Variants in CHST11 observed in about 807,000 individuals in gnomAD.
CHST11 encodes C4S-1.
CHST11 carries 9 observed loss-of-function variants against 30.4 expected under a neutral mutation model. That is an observed-to-expected ratio of 0.30 (90% CI 0.18 to 0.52). The LOEUF (loss-of-function observed/expected upper bound fraction) is 0.52. Among genes scored for constraint, CHST11 ranks in the 20% least tolerant of loss-of-function variants. The pLI is 0.97. For synonymous variants in CHST11, 152 were observed against 187.8 expected, an observed-to-expected ratio of 0.81 and a Z score of 1.56; for missense variants, 348 against 460.6, an observed-to-expected ratio of 0.76 and a Z score of 2.24.
At chr12:104,655,656 G>T (rs775661192) in intron 2 of CHST11, among the ~76,000 whole-genome samples, 1 of 152,276 alleles carries the variant, frequency 6.6e-6, no homozygotes, top group South Asian at 2.1e-4. Context: ...ACAGTGTTAC[G>T]AGCAATGGGT....
chr12:104,509,977 C>T (rs946540847), intron 1 of CHST11, among the ~76,000 whole-genome samples: 3 of 152,158 alleles, frequency 2.0e-5, no homozygotes, highest in Non-Finnish European at 4.4e-5. Flanking sequence ...TGTTGAGAAT[C>T]TTCCATCTTT....
chr12:104,752,030 C>G (rs568420894), intron 2 of CHST11, among the ~76,000 whole-genome samples: 14 of 152,326 alleles, frequency 9.2e-5, no homozygotes, highest in African/African-American at 3.4e-4. Context: ...GCCATCATAA[C>G]AAATTACCAC....
At chr12:104,703,568 A>G (rs2040007842) in intron 2 of CHST11, among the ~76,000 whole-genome samples, 1 of 152,088 alleles carries the variant, frequency 6.6e-6, no homozygotes, top group Non-Finnish European at 1.5e-5. Context: ...CTCCCACCTG[A>G]GAACATTCTA....
chr12:104,457,254 G>A lies in CHST11; in HGVS notation c.-158G>A, dbSNP rs985756246. ...TTCCACACCCCTGCCCGGGCTGGGG[G>A]CTCCGAGAGCGGCCGCGAAGCGACT... On this transcript the variant is annotated 5_prime_UTR_variant, in exon 1 of 3. Transcript: ENST00000303694. The A allele has an allele frequency of 1.5e-5, 9 of 587,712 alleles. No individual in the cohort carries two copies. Among genetic ancestry groups the A allele is most frequent in the Admixed American group, 6.0e-5 (2 of 33,558 alleles). 36.4% of individuals were successfully genotyped at this position (587,712 alleles called of 1,614,324 possible).
At chr12:104,602,174 G>C (rs2038962815) in intron 2 of CHST11, 183 bp downstream of exon 2, 4 of 599,744 alleles carry the variant, frequency 6.7e-6, no homozygotes, top group South Asian at 6.2e-5. Context: ...AATCTAGCAG[G>C]GGATGTTTAG....
chr12:104,653,348 T>C (rs1055954922), intron 2 of CHST11, among the ~76,000 whole-genome samples: 5 of 152,202 alleles, frequency 3.3e-5, no homozygotes, highest in Non-Finnish European at 5.9e-5. Context: ...TTGAATGATA[T>C]TCCACTGGAT....
At chr12:104,614,758 G>A (rs1241158269) in intron 2 of CHST11, among the ~76,000 whole-genome samples, 1 of 151,848 alleles carries the variant, frequency 6.6e-6, no homozygotes, top group African/African-American at 2.4e-5. Flanking sequence ...ACAGGAGGGT[G>A]GCACACGGAA....
intron 2 of CHST11, among the ~76,000 whole-genome samples, chr12:104,673,151 A>G (rs1163857235): frequency 2.0e-5 from 3 of 152,114 alleles, no homozygotes; most frequent in African/African-American, 7.2e-5. Flanking sequence ...TCTCTTATAA[A>G]GACACGTCAT....
intron 2 of CHST11, among the ~76,000 whole-genome samples, chr12:104,698,692 T>G (rs894604600): frequency 6.6e-6 from 1 of 152,180 alleles, no homozygotes; most frequent in African/African-American, 2.4e-5. Flanking sequence ...TGTTAGAAAG[T>G]TTTTCTGCTG....
chr12:104,677,392 G>A (rs561785129), intron 2 of CHST11, among the ~76,000 whole-genome samples: 8 of 152,342 alleles, frequency 5.3e-5, no homozygotes, highest in African/African-American at 9.6e-5. Flanking sequence ...GAGGATGGGC[G>A]AGGAACAGAA....
intron 1 of CHST11, among the ~76,000 whole-genome samples, chr12:104,532,373 G>GT (rs1232482677): frequency 1.3e-5 from 2 of 149,930 alleles, no homozygotes; most frequent in Non-Finnish European, 3.0e-5. Flanking sequence ...TTCCTAGGTT[G>GT]TTTCTTCACA....
At chr12:104,544,343 C>T (rs938138061) in intron 1 of CHST11, among the ~76,000 whole-genome samples, 1 of 151,870 alleles carries the variant, frequency 6.6e-6, no homozygotes, top group African/African-American at 2.4e-5. Flanking sequence ...GAGACTGTAT[C>T]CCATGTCAAA....
At chr12:104,482,183 T>C (rs910882365) in intron 1 of CHST11, among the ~76,000 whole-genome samples, 2 of 152,038 alleles carry the variant, frequency 1.3e-5, no homozygotes. Context: ...CTTTTTTTTT[T>C]TCCTATTCCT....
At chr12:104,470,952 A>G (rs1177427522) in intron 1 of CHST11, among the ~76,000 whole-genome samples, 1 of 152,240 alleles carries the variant, frequency 6.6e-6, no homozygotes, top group Non-Finnish European at 1.5e-5. Context: ...ACATTCAATG[A>G]TAGCCCCTTC....
intron 1 of CHST11, among the ~76,000 whole-genome samples, chr12:104,466,284 A>C (rs1397914121): frequency 6.6e-6 from 1 of 152,220 alleles, no homozygotes; most frequent in Non-Finnish European, 1.5e-5. Flanking sequence ...AGTTTATATA[A>C]TAATTAATAA....
At chr12:104,609,721 T>C (rs2136052329) in intron 2 of CHST11, among the ~76,000 whole-genome samples, 1 of 152,318 alleles carries the variant, frequency 6.6e-6, no homozygotes, top group African/African-American at 2.4e-5. Flanking sequence ...CAGAATTCTG[T>C]ATGAAAAGCA....
chr12:104,571,198 TTA>T (rs1213319491), intron 1 of CHST11, among the ~76,000 whole-genome samples: 2 of 150,512 alleles, frequency 1.3e-5, no homozygotes, highest in Non-Finnish European at 3.0e-5. Context: ...AGTTTTGCTC[TTA>T]TTGCCCAGGC....
At chr12:104,474,295 C>G (rs2037537218) in intron 1 of CHST11, among the ~76,000 whole-genome samples, 1 of 152,174 alleles carries the variant, frequency 6.6e-6, no homozygotes, top group Non-Finnish European at 1.5e-5. Context: ...AGATCAGAAA[C>G]TGAACAGGCA....
At chr12:104,589,220 C>T (rs561846651) in intron 1 of CHST11, among the ~76,000 whole-genome samples, 7 of 151,576 alleles carry the variant, frequency 4.6e-5, no homozygotes, top group East Asian at 3.9e-4. Flanking sequence ...GGCAACATGG[C>T]GAAACCCATC....
Sources: allele counts gnomAD v4.1 joint callset (sites outside exome capture counted in the v4.1 genomes callset), GRCh38; gene constraint gnomAD v4.1.1; transcripts MANE v1.5; gene names NCBI Gene and HGNC (gene_info 2026-07-23, HGNC 2026-07-21).